ATRNL1: variants seen among roughly 807,000 people sequenced by gnomAD.
ATRNL1 encodes attractin-like protein 1.
A neutral mutation model predicts 182.7 loss-of-function variants in ATRNL1; 95 were observed. That is an observed-to-expected ratio of 0.52 (90% CI 0.44 to 0.62). The LOEUF (loss-of-function observed/expected upper bound fraction) is 0.62. Among genes scored for constraint, ATRNL1 ranks in the 20% least tolerant of loss-of-function variants. The pLI, the probability that ATRNL1 is intolerant of heterozygous loss-of-function variation, is 0.00. For synonymous variants in ATRNL1, 576 were observed against 568.3 expected, an observed-to-expected ratio of 1.01 and a Z score of -0.19; for missense variants, 1,471 against 1,679.5, an observed-to-expected ratio of 0.88 and a Z score of 2.17.
intron 27 of ATRNL1, among the ~76,000 whole-genome samples, chr10:115,751,359 T>G (rs553378703): frequency 6.6e-6 from 1 of 152,210 alleles, no homozygotes; most frequent in African/African-American, 2.4e-5. Flanking sequence ...AACTGTAAGA[T>G]AAGAAATTTG....
At chr10:115,676,857 T>C (rs544916633) in intron 26 of ATRNL1, among the ~76,000 whole-genome samples, 1 of 152,114 alleles carries the variant, frequency 6.6e-6, no homozygotes, top group East Asian at 1.9e-4. Flanking sequence ...ACAGGAAACA[T>C]CATGTCAGAT....
chr10:115,108,974 C>G (rs1296395215), intron 1 of ATRNL1, among the ~76,000 whole-genome samples: 1 of 152,132 alleles, frequency 6.6e-6, no homozygotes, highest in African/African-American at 2.4e-5. Context: ...TGCAGTATCT[C>G]TTTCCTCCTT....
At chr10:115,655,263 C>T (rs977121864) in intron 26 of ATRNL1, among the ~76,000 whole-genome samples, 13 of 152,154 alleles carry the variant, frequency 8.5e-5, no homozygotes, top group Admixed American at 2.6e-4. Context: ...AAAAAAAGGG[C>T]GATCACTTTA....
At chr10:115,131,238 G>A (rs1236706810) in intron 5 of ATRNL1, among the ~76,000 whole-genome samples, 2 of 152,006 alleles carry the variant, frequency 1.3e-5, no homozygotes, top group African/African-American at 2.4e-5. Context: ...ATGTGTGTGT[G>A]TATGCATATA....
intron 1 of ATRNL1, among the ~76,000 whole-genome samples, chr10:115,107,536 G>T (rs1233701752): frequency 6.6e-6 from 1 of 152,192 alleles, no homozygotes. Flanking sequence ...ATGGGTTGGA[G>T]GCTCATGCCT....
intron 14 of ATRNL1, among the ~76,000 whole-genome samples, chr10:115,281,752 G>C (rs565382017): frequency 2.0e-5 from 3 of 151,526 alleles, no homozygotes; most frequent in Admixed American, 1.3e-4. Flanking sequence ...TCTTAAAAAT[G>C]TAGAAAATAA....
rs200858425 is a variant in ATRNL1 at position 115,221,026 on chromosome 10, C to G, written c.1532+5146C>G. On this transcript the variant is annotated intron_variant, in intron 9 of 28. Transcript: ENST00000355044. ...TATCATCATCACCTCAGCTCCACCT[C>G]AGATCATCAAGCATTAGATTCTCAT... Among the ~76,000 whole-genome samples, 11 of 152,330 alleles carry G rather than the reference C, an allele frequency of 7.2e-5. No individual in the cohort carries two copies. In the East Asian group the frequency reaches 2.1e-3, roughly 29 times the overall value.
intron 24 of ATRNL1, among the ~76,000 whole-genome samples, chr10:115,514,772 G>A (rs1554983468): frequency 6.6e-6 from 1 of 151,892 alleles, no homozygotes; most frequent in African/African-American, 2.4e-5. Flanking sequence ...GATTGCACAA[G>A]GGGATTAGTG....
At chr10:115,347,523 C>T (rs1856031031) in intron 19 of ATRNL1, among the ~76,000 whole-genome samples, 1 of 151,938 alleles carries the variant, frequency 6.6e-6, no homozygotes, top group South Asian at 2.1e-4. Context: ...GGGAAAAGCT[C>T]ATTTTTAAAA....
intron 24 of ATRNL1, among the ~76,000 whole-genome samples, chr10:115,484,666 C>T (rs1848934574): frequency 6.6e-6 from 1 of 151,716 alleles, no homozygotes; most frequent in African/African-American, 2.4e-5. Flanking sequence ...TGAACATAAA[C>T]TCTACACTTA....
At chr10:115,458,982 T>C (rs1457771299) in intron 21 of ATRNL1, among the ~76,000 whole-genome samples, 1 of 152,162 alleles carries the variant, frequency 6.6e-6, no homozygotes, top group East Asian at 1.9e-4. Context: ...TAATGGACAT[T>C]TATTAGTTCC....
At chr10:115,579,697 G>A (rs1192113585) in intron 26 of ATRNL1, among the ~76,000 whole-genome samples, 1 of 151,770 alleles carries the variant, frequency 6.6e-6, no homozygotes, top group African/African-American at 2.4e-5. Flanking sequence ...TCTTTTTATT[G>A]GGTAGCTTAA....
chr10:115,387,148 A>G (rs1212699706), intron 19 of ATRNL1, among the ~76,000 whole-genome samples: 1 of 152,104 alleles, frequency 6.6e-6, no homozygotes, highest in Non-Finnish European at 1.5e-5. Context: ...ATGAAATTGG[A>G]AATCATCATT....
chr10:115,415,077 C>T (rs1448035002), intron 20 of ATRNL1, among the ~76,000 whole-genome samples: 10 of 151,982 alleles, frequency 6.6e-5, no homozygotes, highest in African/African-American at 2.4e-4. Flanking sequence ...ATTGTTGGGT[C>T]GAAGAATACA....
chr10:115,595,275 G>C (rs1358619168), intron 26 of ATRNL1, among the ~76,000 whole-genome samples: 3 of 150,356 alleles, frequency 2.0e-5, no homozygotes, highest in African/African-American at 7.4e-5. Context: ...CTTCTTTTTA[G>C]CTTTAAAAGG....
intron 28 of ATRNL1, among the ~76,000 whole-genome samples, chr10:115,863,380 A>G (rs1227635341): frequency 1.3e-5 from 2 of 152,220 alleles, no homozygotes; most frequent in East Asian, 1.9e-4. Flanking sequence ...AAAAATATAT[A>G]TATGAATGTA....
chr10:115,466,794 G>T (rs1362484358), intron 22 of ATRNL1, among the ~76,000 whole-genome samples: 2 of 151,068 alleles, frequency 1.3e-5, no homozygotes, highest in African/African-American at 4.8e-5. Context: ...TTATAAAATT[G>T]CTTGGGACTA....
intron 26 of ATRNL1, among the ~76,000 whole-genome samples, chr10:115,721,542 G>A (rs914865909): frequency 1.1e-4 from 17 of 152,202 alleles, no homozygotes; most frequent in East Asian, 7.8e-4. Flanking sequence ...ACATGGCAGC[G>A]TTAAGAGAAA....
chr10:115,413,726 T>C (rs1554960319), intron 20 of ATRNL1, among the ~76,000 whole-genome samples: 3 of 152,098 alleles, frequency 2.0e-5, no homozygotes, highest in Non-Finnish European at 4.4e-5. Flanking sequence ...TATTTCAGGC[T>C]CATCTTATTC....
Sources: gnomAD v4.1 joint callset for allele counts (sites outside exome capture counted in the v4.1 genomes callset) on GRCh38, gnomAD v4.1.1 for gene constraint, MANE v1.5 for transcripts, NCBI Gene and HGNC (gene_info 2026-07-23, HGNC 2026-07-21) for gene names.